The following ANKRD60 variants were observed in gnomAD, a reference collection of about 807,000 sequenced individuals.
The protein encoded by ANKRD60 is ankyrin repeat domain-containing protein 60.
A neutral mutation model predicts 21.3 loss-of-function variants in ANKRD60; 24 were observed. The ratio of observed to expected loss-of-function variants is 1.13; its 90% CI spans 0.82 to 1.59. The LOEUF is 1.59. Ranked by LOEUF, ANKRD60 falls within the 40% of genes most tolerant of loss-of-function variation. The probability of loss-of-function intolerance (pLI) is 0.00; values close to 1 mark genes in which losing one functional copy is unlikely to be tolerated. For synonymous variants in ANKRD60, 182 were observed against 199.4 expected (o/e 0.91, Z 0.74); for missense variants, 490 against 466.7 (o/e 1.05, Z -0.46).
chr20:58,216,296 A>G (rs1256152928), downstream of ANKRD60, among the ~76,000 whole-genome samples: 1 of 152,204 alleles, frequency 6.6e-6, no homozygotes, highest in East Asian at 1.9e-4. Flanking sequence ...GGACCTGCCC[A>G]ATGTCTGGCC....
At position 58,228,262 on chromosome 20, in the gene ANKRD60, A is replaced by G. The variant is rs2122816754; in HGVS notation, c.392T>C (p.Ile131Thr). 4.5e-6 allele frequency: 7 copies of G among 1,550,896 alleles called. No homozygotes were observed. The highest frequency in any genetic ancestry group is 4.4e-6 in the Non-Finnish European group (5 of 1,146,656). Residue 131 changes from isoleucine (I) to threonine (T), a missense_variant, in exon 1 of 4, where the codon ATC (isoleucine) becomes ACC (threonine). Physicochemically the swap from Ile to Thr is moderately conservative, Grantham distance 89 (BLOSUM62 -1). Coordinates refer to ENST00000457363, the Ensembl canonical transcript of ANKRD60. This position sits in a 1 kb window ranked among gnomAD's most constrained non-coding sequence, Gnocchi z 5.3. ...CTGGAGCCGCTGGAGGTTGAAGGGG[A>G]TGCCGACCATCAGGTCCAGCTCCTC...
At chr20:58,219,944 G>A (rs1448773012) in intron 3 of ANKRD60, among the ~76,000 whole-genome samples, 1 of 152,218 alleles carries the variant, frequency 6.6e-6, no homozygotes, top group Non-Finnish European at 1.5e-5. Flanking sequence ...AGAGCAGACA[G>A]GCAGTGAAGG....
downstream of ANKRD60, among the ~76,000 whole-genome samples, chr20:58,216,967 A>G (rs990335565): frequency 6.6e-6 from 1 of 152,266 alleles, no homozygotes; most frequent in Non-Finnish European, 1.5e-5. Flanking sequence ...TCACTGTGGC[A>G]TCAGAGTCTT....
rs1366145326 is a variant in ANKRD60 at position 58,228,404 on chromosome 20, T to C, written c.250A>G (p.Ser84Gly). ...TCAGGGGCCAAGTCGGGCAAGGCAC[T>C]CGCGGCCTTCGGGTCACAGACGAGC... The change falls in exon 1 of 4, where the codon AGT becomes GGT. Residue 84 changes from serine (S) to glycine (G), a missense_variant. Transcript: ENST00000457363. The surrounding 1 kb of genome is among the most constrained non-coding windows in gnomAD (Gnocchi z 5.3). The C allele has an allele frequency of 6.5e-7, 1 of 1,543,868 alleles. No individual in the cohort carries two copies.
At chr20:58,220,410 A>G (rs1449914144) in intron 3 of ANKRD60, among the ~76,000 whole-genome samples, 1 of 152,072 alleles carries the variant, frequency 6.6e-6, no homozygotes, top group East Asian at 1.9e-4. Context: ...TAGAGTGTAC[A>G]CCTATGGAAT....
chr20:58,220,072 A>G (rs1263969900), intron 3 of ANKRD60, among the ~76,000 whole-genome samples: 1 of 152,186 alleles, frequency 6.6e-6, no homozygotes, highest in East Asian at 1.9e-4. Context: ...GCTTGGTGTA[A>G]GTGGGAAAAA....
At position 58,228,254 on chromosome 20, in the gene ANKRD60, T is replaced by G. The variant is rs1428973860; in HGVS notation, c.400A>C (p.Asn134His). The G allele has an allele frequency of 4.5e-6, 7 of 1,550,804 alleles. No individual in the cohort carries two copies. Among genetic ancestry groups the G allele is most frequent in the Non-Finnish European group, 4.4e-6 (5 of 1,146,558 alleles). ...TCGAGGTACTGGAGCCGCTGGAGGTTGAAGGGGATGCCGACCATCAGGTCC... is the reference window on the plus strand; with the variant it reads ...TCGAGGTACTGGAGCCGCTGGAGGTGGAAGGGGATGCCGACCATCAGGTCC... The change falls in exon 1 of 4, where the codon AAC (asparagine) becomes CAC (histidine). Residue 134 changes from asparagine (N) to histidine (H), a missense_variant. By Grantham distance (68) the Asn-to-His change is moderately conservative (BLOSUM62 1). Transcript: ENST00000457363. The surrounding 1 kb of genome is among the most constrained non-coding windows in gnomAD (Gnocchi z 5.3).
downstream of ANKRD60, among the ~76,000 whole-genome samples, chr20:58,216,672 T>G (rs567567913): frequency 6.6e-6 from 1 of 152,296 alleles, no homozygotes; most frequent in African/African-American, 2.4e-5. Flanking sequence ...GTACACTGAG[T>G]GTAAAACCAC....
chr20:58,219,701 C>T (rs1984206916), intron 3 of ANKRD60, among the ~76,000 whole-genome samples: 1 of 152,184 alleles, frequency 6.6e-6, no homozygotes, highest in African/African-American at 2.4e-5. Context: ...TTTATGAGCT[C>T]CGGCTGGTTG....
intron 3 of ANKRD60, among the ~76,000 whole-genome samples, chr20:58,220,397 G>C (rs914452466): frequency 6.6e-6 from 1 of 152,024 alleles, no homozygotes; most frequent in African/African-American, 2.4e-5. Flanking sequence ...CATCCAGGGA[G>C]GATAGAGTGT....
rs1984299535 is a variant in ANKRD60 at position 58,223,234 on chromosome 20, T to C, written c.431-52A>G. ...AAAAAATTGGGTATTAAAGATAAAC[T>C]ACTACATTGGTTAAGTTAAGAGATT... is the stretch of plus-strand genomic sequence containing the variant. On this transcript the variant is annotated intron_variant, in intron 1 of 3. Coordinates refer to ENST00000457363, the Ensembl canonical transcript of ANKRD60. The C allele has an allele frequency of 4.9e-6, 7 of 1,442,108 alleles. No individual in the cohort carries two copies. The South Asian group carries it at 9.3e-5, about 19-fold the overall frequency. The allele number at this position is 1,442,108 out of a possible 1,614,324, so 89.3% of individuals were successfully genotyped here.
intron 2 of ANKRD60, among the ~76,000 whole-genome samples, chr20:58,222,643 C>T (rs1984282951): frequency 6.6e-6 from 1 of 152,234 alleles, no homozygotes; most frequent in South Asian, 2.1e-4. Context: ...AACGAGGGGC[C>T]TCTCCCTCCG....
At chr20:58,222,917 A>G (rs1984289709) in intron 2 of ANKRD60, 135 bp downstream of exon 2, 6 of 1,152,082 alleles carry the variant, frequency 5.2e-6, no homozygotes, top group Non-Finnish European at 7.0e-6. Context: ...TTTCATAATT[A>G]TGACACGGCT....
exon 3 of ANKRD60, chr20:58,221,473 A>C (rs1225234535): frequency 6.4e-7 from 1 of 1,551,806 alleles, no homozygotes; most frequent in Admixed American, 2.0e-5. Flanking sequence ...GTTCGGTAGA[A>C]GGAATCTTCA....
intron 1 of ANKRD60, among the ~76,000 whole-genome samples, chr20:58,227,063 G>A (rs1043344806): frequency 6.6e-6 from 1 of 152,192 alleles, no homozygotes; most frequent in Non-Finnish European, 1.5e-5. Flanking sequence ...GATATATGGG[G>A]TCTTGAGGCA....
At chr20:58,217,777 C>T (rs1411090407), downstream of ANKRD60, among the ~76,000 whole-genome samples, 1 of 152,124 alleles carries the variant, frequency 6.6e-6, no homozygotes. Flanking sequence ...AAAAGGAGAA[C>T]TCTGGCAAGA....
chr20:58,223,159 G>A (rs1250230378), exon 2 of ANKRD60: 64 of 1,549,178 alleles, frequency 4.1e-5, no homozygotes, highest in Non-Finnish European at 5.6e-5. Context: ...TGGAACTTCA[G>A]GGTAGTGTCA....
At chr20:58,220,260 G>A (rs551845713) in intron 3 of ANKRD60, among the ~76,000 whole-genome samples, 1 of 152,262 alleles carries the variant, frequency 6.6e-6, no homozygotes, top group East Asian at 1.9e-4. Context: ...GGTGGTCTGG[G>A]CTGTTACAGC....
At chr20:58,226,404 G>A (rs1246924718) in intron 1 of ANKRD60, among the ~76,000 whole-genome samples, 3 of 152,128 alleles carry the variant, frequency 2.0e-5, no homozygotes, top group East Asian at 1.9e-4. Context: ...TGAGATTTGG[G>A]GGTCTTCATG....
Sources: allele counts gnomAD v4.1 joint callset (sites outside exome capture counted in the v4.1 genomes callset), GRCh38; gene constraint gnomAD v4.1.1; non-coding constraint Gnocchi (gnomAD v3.1); transcripts MANE v1.5; gene names NCBI Gene and HGNC (gene_info 2026-07-23, HGNC 2026-07-21).